SYTL5: variants seen among roughly 807,000 people sequenced by gnomAD.
SYTL5 encodes synaptotagmin like 5.
A neutral mutation model predicts 55.9 loss-of-function variants in SYTL5; 34 were observed. That is an observed-to-expected ratio of 0.61 (90% CI 0.46 to 0.81). The LOEUF (loss-of-function observed/expected upper bound fraction) is 0.81, where lower values mean the gene tolerates loss of function less well. Ranked by LOEUF, SYTL5 falls within the 30% of genes least tolerant of loss-of-function variation. The pLI is 0.00. For missense variants in SYTL5, 637 were observed against 546.7 expected (o/e 1.17, Z -1.65); for synonymous variants, 221 against 188.7 (o/e 1.17, Z -1.40).
chrX:37,991,107 GACA>G, the SYTL5 span: 1 of 1,209,462 alleles, frequency 8.3e-7, no homozygotes, highest in African/African-American at 1.8e-5. Context: ...GAGAGAAGTG[GACA>G]ACAACCGTGA....
intron 8 of SYTL5, 48 bp from the exon 9 acceptor site, chrX:38,096,086 C>T (rs1936929700): frequency 5.6e-6 from 4 of 712,962 alleles, no homozygotes; most frequent in Non-Finnish European, 8.4e-6. Flanking sequence ...GAAATCTTCT[C>T]ACAAAACAGG....
At chrX:37,926,371 T>C in the SYTL5 span, among the ~76,000 whole-genome samples, 1 of 111,049 alleles carries the variant, frequency 9.0e-6, no homozygotes, top group African/African-American at 3.3e-5. Flanking sequence ...CTAGTTATTA[T>C]TTACTTTTTT....
chrX:37,943,352 G>A, the SYTL5 span, among the ~76,000 whole-genome samples: 4 of 111,639 alleles, frequency 3.6e-5, no homozygotes, highest in African/African-American at 1.3e-4. Flanking sequence ...GGAGACTATT[G>A]GCTATAGGTA....
chrX:38,049,867 T>C (rs1012680437), intron 2 of SYTL5, among the ~76,000 whole-genome samples: 1 of 112,144 alleles, frequency 8.9e-6, no homozygotes, highest in East Asian at 2.8e-4. Context: ...ATAACAACAC[T>C]GTAATGCTGT....
the SYTL5 span, among the ~76,000 whole-genome samples, chrX:37,977,421 G>A: frequency 1.8e-5 from 2 of 110,336 alleles, no homozygotes; most frequent in African/African-American, 6.6e-5. Context: ...CCAGGTAAAG[G>A]AAACAGGAGA....
intron 1 of SYTL5, among the ~76,000 whole-genome samples, chrX:38,020,899 A>G (rs949119380): frequency 8.9e-6 from 1 of 111,953 alleles, no homozygotes; most frequent in South Asian, 3.7e-4. Flanking sequence ...TAACAGATGA[A>G]TAAACTGAGA....
At chrX:37,960,803 TTTATTTA>T in the SYTL5 span, among the ~76,000 whole-genome samples, 15 of 90,217 alleles carry the variant, frequency 1.7e-4, no homozygotes, top group South Asian at 4.6e-4. Flanking sequence ...TATTTATTTA[TTTATTTA>T]TTTGAGATGG....
At chrX:37,895,994 G>A in the SYTL5 span, among the ~76,000 whole-genome samples, 2 of 112,214 alleles carry the variant, frequency 1.8e-5, no homozygotes, top group Admixed American at 1.9e-4. Context: ...AGGCCATTAG[G>A]TTGATTTGCA....
intron 6 of SYTL5, among the ~76,000 whole-genome samples, chrX:38,082,284 C>T (rs972342310): frequency 1.3e-4 from 15 of 111,616 alleles, no homozygotes; most frequent in Non-Finnish European, 2.8e-4. Context: ...AACACCTTCC[C>T]CTCCTCCAAT....
the SYTL5 span, among the ~76,000 whole-genome samples, chrX:37,894,954 C>T: frequency 3.6e-5 from 4 of 111,495 alleles, no homozygotes; most frequent in Admixed American, 3.8e-4. Context: ...AGTTATACCA[C>T]CAGCTTTCCT....
chrX:37,943,690 C>T, the SYTL5 span, among the ~76,000 whole-genome samples: 5 of 111,337 alleles, frequency 4.5e-5, no homozygotes, highest in African/African-American at 1.6e-4. Flanking sequence ...AGCCCAAGGT[C>T]GGAACTAGGT....
intron 1 of SYTL5, among the ~76,000 whole-genome samples, chrX:38,022,997 A>G (rs1231158432): frequency 3.6e-5 from 4 of 112,125 alleles, no homozygotes; most frequent in African/African-American, 6.5e-5. Context: ...GGGACAAATC[A>G]TGAAGGGTTT....
At chrX:38,118,947 A>T (rs1278213673) in intron 13 of SYTL5, among the ~76,000 whole-genome samples, 1 of 83,137 alleles carries the variant, frequency 1.2e-5, no homozygotes, top group Admixed American at 1.4e-4. Flanking sequence ...ATATGTACGC[A>T]TATACATATA....
intron 2 of SYTL5, among the ~76,000 whole-genome samples, chrX:38,035,242 A>G (rs1340355845): frequency 2.7e-5 from 3 of 112,431 alleles, no homozygotes; most frequent in Non-Finnish European, 5.6e-5. Context: ...ATTTCAAAGA[A>G]ATCATGAATA....
At chrX:38,074,930 A>ATG (rs1936351262) in intron 5 of SYTL5, among the ~76,000 whole-genome samples, 2 of 110,736 alleles carry the variant, frequency 1.8e-5, no homozygotes, top group Admixed American at 1.9e-4. Context: ...ACACACACAC[A>ATG]CACATGCACA....
the SYTL5 span, among the ~76,000 whole-genome samples, chrX:37,966,290 T>G: frequency 9.0e-6 from 1 of 111,046 alleles, no homozygotes; most frequent in African/African-American, 3.3e-5. Context: ...TCTATAGTTA[T>G]TTTCTTGTGG....
At chrX:38,102,879 C>T in intron 10 of SYTL5, 1 of 429,099 alleles carries the variant, frequency 2.3e-6, no homozygotes, top group Non-Finnish European at 4.0e-6. Context: ...AAATAAAGTC[C>T]TTTCTTACTT....
At chrX:38,107,518 C>T (rs1724657553) in intron 11 of SYTL5, among the ~76,000 whole-genome samples, 1 of 111,554 alleles carries the variant, frequency 9.0e-6, no homozygotes, top group Non-Finnish European at 1.9e-5. Flanking sequence ...GAAAAAGAAC[C>T]CGTTCAGCAT....
chrX:38,125,298 C>T lies in SYTL5; in HGVS notation c.1842C>T (p.Gly614=). The T allele has an allele frequency of 8.3e-7, 1 of 1,208,451 alleles. No homozygotes were observed. The change falls in exon 16 of 17, where the codon GGC becomes GGT. Residue 614 remains glycine, a splice_region_variant and synonymous_variant. Transcript: ENST00000297875. The part of the protein sequence containing the change: ...SGGTSDSFVK[G]YLLPDDSKAT... The stretch of plus-strand genomic sequence containing the variant: ...GATTTGATTGTTTTTTCTCATGCAG[C>T]TACCTGCTCCCTGATGATAGCAAAG...
Sources: allele counts gnomAD v4.1 joint callset (sites outside exome capture counted in the v4.1 genomes callset), GRCh38; gene constraint gnomAD v4.1.1; transcripts MANE v1.5; gene names NCBI Gene and HGNC (gene_info 2026-07-23, HGNC 2026-07-21).